FSTL4: variants seen among roughly 807,000 people sequenced by gnomAD.
FSTL4 encodes the protein follistatin-related protein 4.
A neutral mutation model predicts 78.2 loss-of-function variants in FSTL4; 28 were observed. The observed-to-expected ratio is 0.36, with a 90% CI of 0.27 to 0.49. The LOEUF (loss-of-function observed/expected upper bound fraction) is 0.49, where lower values mean the gene tolerates loss of function less well. Ranked by LOEUF, FSTL4 falls within the 20% of genes least tolerant of loss-of-function variation. FSTL4 has a pLI of 0.98. For synonymous variants in FSTL4, 422 were observed against 440.5 expected (o/e 0.96, Z 0.53); for missense variants, 922 against 1,084.9 (o/e 0.85, Z 2.11).
intron 4 of FSTL4, among the ~76,000 whole-genome samples, chr5:133,366,243 T>C (rs1337104722): frequency 6.6e-6 from 1 of 152,198 alleles, no homozygotes; most frequent in African/African-American, 2.4e-5. Flanking sequence ...CATCTCAAAA[T>C]GCAGCTCTCA....
intron 4 of FSTL4, among the ~76,000 whole-genome samples, chr5:133,331,983 GT>G (rs955280337): frequency 3.9e-5 from 6 of 152,320 alleles, no homozygotes; most frequent in African/African-American, 1.4e-4. Context: ...GAACGTGTGG[GT>G]TTTTCAACCT....
At chr5:133,211,861 C>T (rs989149591) in intron 13 of FSTL4, among the ~76,000 whole-genome samples, 1 of 152,122 alleles carries the variant, frequency 6.6e-6, no homozygotes, top group African/African-American at 2.4e-5. Flanking sequence ...ATGATCTCAA[C>T]CTAACGTATA....
chr5:133,820,075 C>T, the FSTL4 span, among the ~76,000 whole-genome samples: 3 of 152,316 alleles, frequency 2.0e-5, no homozygotes, highest in Admixed American at 6.5e-5. Context: ...CACGGCACGG[C>T]GCAGGTTCTG....
chr5:133,695,918 T>C, the FSTL4 span, among the ~76,000 whole-genome samples: 2 of 152,254 alleles, frequency 1.3e-5, no homozygotes, highest in African/African-American at 2.4e-5. Context: ...CAATGTCTGC[T>C]TCTGCTGGCT....
At chr5:133,779,122 T>C in the FSTL4 span, among the ~76,000 whole-genome samples, 1 of 152,270 alleles carries the variant, frequency 6.6e-6, no homozygotes, top group Non-Finnish European at 1.5e-5. Flanking sequence ...ACTGAATCTG[T>C]ATTGTCAATC....
At chr5:133,378,108 T>C (rs980761118) in intron 4 of FSTL4, among the ~76,000 whole-genome samples, 1 of 152,168 alleles carries the variant, frequency 6.6e-6, no homozygotes, top group East Asian at 1.9e-4. Flanking sequence ...AGATAATTCA[T>C]TGCTACATAC....
At chr5:133,263,234 G>A (rs1395791581) in intron 6 of FSTL4, among the ~76,000 whole-genome samples, 1 of 152,206 alleles carries the variant, frequency 6.6e-6, no homozygotes, top group Non-Finnish European at 1.5e-5. Flanking sequence ...CTGAGGGGTG[G>A]TCAGTTGGAT....
At chr5:133,514,111 G>A (rs535825712) in intron 3 of FSTL4, among the ~76,000 whole-genome samples, 309 of 151,444 alleles carry the variant, frequency 2.0e-3, no homozygotes, top group Middle Eastern at 0.01. Context: ...TCCGGGAAGC[G>A]GAGCTTGCAA....
chr5:133,357,807 G>A (rs1331042235), intron 4 of FSTL4, among the ~76,000 whole-genome samples: 1 of 152,120 alleles, frequency 6.6e-6, no homozygotes. Context: ...AGACACCCAT[G>A]CTGAGGTCCC....
chr5:133,358,597 T>C (rs956280509), intron 4 of FSTL4, among the ~76,000 whole-genome samples: 15 of 147,432 alleles, frequency 1.0e-4, no homozygotes, highest in African/African-American at 2.3e-4. Flanking sequence ...ATTTCTTTTT[T>C]TTTTTTTTTT....
intron 4 of FSTL4, among the ~76,000 whole-genome samples, chr5:133,369,096 A>C (rs78673984): frequency 0.063 from 9,576 of 152,260 alleles, 366 homozygotes; most frequent in East Asian, 0.15. Flanking sequence ...CTTGGTCTCC[A>C]TGCAGGGTTC....
At chr5:133,736,122 C>T in the FSTL4 span, among the ~76,000 whole-genome samples, 1 of 152,106 alleles carries the variant, frequency 6.6e-6, no homozygotes, top group Non-Finnish European at 1.5e-5. Context: ...CAGACCATGC[C>T]GAGGAGGCTT....
the FSTL4 span, among the ~76,000 whole-genome samples, chr5:133,827,790 T>C: frequency 2.0e-5 from 3 of 151,606 alleles, no homozygotes; most frequent in Admixed American, 2.0e-4. Context: ...AAGAGGGTCA[T>C]GTTCAACAAC....
intron 3 of FSTL4, among the ~76,000 whole-genome samples, chr5:133,486,317 C>T (rs1477325102): frequency 2.0e-5 from 3 of 147,212 alleles, no homozygotes; most frequent in African/African-American, 7.6e-5. Flanking sequence ...TACACAGAGA[C>T]AGTGAGAGAC....
At chr5:133,257,480 G>T (rs1377872834) in intron 6 of FSTL4, among the ~76,000 whole-genome samples, 3 of 152,224 alleles carry the variant, frequency 2.0e-5, no homozygotes, top group Admixed American at 6.5e-5. Flanking sequence ...AGGCTCTGGG[G>T]TTCCATTTAG....
chr5:133,729,753 A>G, the FSTL4 span, among the ~76,000 whole-genome samples: 2 of 152,192 alleles, frequency 1.3e-5, no homozygotes, highest in African/African-American at 4.8e-5. Context: ...GAAAATTTCA[A>G]GAGTATAAGA....
intron 3 of FSTL4, among the ~76,000 whole-genome samples, chr5:133,408,366 G>C (rs970834852): frequency 7.9e-5 from 12 of 152,124 alleles, no homozygotes; most frequent in African/African-American, 2.9e-4. Context: ...TCTTCCTTCA[G>C]AGCCCCCAGC....
rs141464098 is a variant in FSTL4 at position 133,542,206 on chromosome 5, T to C, written c.160+24980A>G. ...CTTACACTAATAAATGAATGGATAT[T>C]AGATTTTTAAAATACTTTTCTTATA... On this transcript the variant is annotated intron_variant, in intron 3 of 15. Coordinates refer to ENST00000265342, the MANE Select transcript of FSTL4 (RefSeq NM_015082.2). 2.1e-3 allele frequency among the ~76,000 whole-genome samples: 321 copies of C among 152,370 alleles called. 1 individual carries two copies. Among genetic ancestry groups the C allele is most frequent in the African/African-American group, 7.2e-3 (300 of 41,590 alleles).
At chr5:133,378,648 T>G (rs1755498414) in intron 4 of FSTL4, among the ~76,000 whole-genome samples, 1 of 152,142 alleles carries the variant, frequency 6.6e-6, no homozygotes, top group South Asian at 2.1e-4. Flanking sequence ...AAAATACATA[T>G]AGGAATAACA....
Sources: gnomAD v4.1 joint callset for allele counts (sites outside exome capture counted in the v4.1 genomes callset) on GRCh38, gnomAD v4.1.1 for gene constraint, MANE v1.5 for transcripts, NCBI Gene and HGNC (gene_info 2026-07-23, HGNC 2026-07-21) for gene names.